WDR43: variants seen among roughly 807,000 people sequenced by gnomAD.
WDR43 encodes WD repeat-containing protein 43.
A neutral mutation model predicts 91.4 loss-of-function variants in WDR43; 13 were observed. The observed-to-expected ratio is 0.14, with a 90% confidence interval of 0.09 to 0.23. WDR43 has a LOEUF of 0.23. Ranked by LOEUF, WDR43 falls within the 10% of genes least tolerant of loss-of-function variation. The pLI is 1.00. For missense variants in WDR43, 780 were observed against 809.4 expected, an observed-to-expected ratio of 0.96 and a Z score of 0.44; for synonymous variants, 331 against 287.9, an observed-to-expected ratio of 1.15 and a Z score of -1.51.
At chr2:28,901,840 A>G in intron 1 of WDR43, 147 bp from the exon 2 acceptor site, 2 of 732,282 alleles carry the variant, frequency 2.7e-6, no homozygotes, top group Non-Finnish European at 4.2e-6. Context: ...TTCTTTTTGA[A>G]GTAGTGAGAA....
In WDR43 at chr2:28,908,464, A is replaced by C. The variant is rs1313586676; in HGVS notation, c.485+1883A>C. On this transcript the variant is annotated intron_variant, in intron 3 of 17. Transcript: ENST00000407426. The stretch of plus-strand genomic sequence containing the variant: ...GAAATGCCTGCAGAGGTTCTGATCC[A>C]GTAGGTCTGGGGTAGGGCCTGTGTT... Among the ~76,000 whole-genome samples, 3 of 152,294 alleles carry C rather than the reference A, an allele frequency of 2.0e-5. No individual in the cohort carries two copies. The South Asian group carries it at 6.2e-4, about 32-fold the overall frequency.
chr2:28,904,230 G>C (rs1558368542), intron 2 of WDR43, among the ~76,000 whole-genome samples: 3 of 152,144 alleles, frequency 2.0e-5, no homozygotes, highest in African/African-American at 7.2e-5. Flanking sequence ...TGGTAAGGTG[G>C]AAAAGGACCA....
chr2:28,917,584 C>G (rs1295570142), intron 5 of WDR43, among the ~76,000 whole-genome samples: 2 of 152,162 alleles, frequency 1.3e-5, no homozygotes, highest in African/African-American at 4.8e-5. Flanking sequence ...TCAAGCGGCA[C>G]TAATCATGAC....
chr2:28,946,287 CAA>C (rs753417663), intron 16 of WDR43, among the ~76,000 whole-genome samples, 161 bp from the exon 17 acceptor site: 3 of 129,962 alleles, frequency 2.3e-5, no homozygotes, highest in Admixed American at 7.7e-5. Context: ...CTCCAGCCTG[CAA>C]AAAAAAAAAA....
intron 14 of WDR43, among the ~76,000 whole-genome samples, chr2:28,938,527 C>T (rs1671377616): frequency 6.6e-6 from 1 of 152,098 alleles, no homozygotes; most frequent in Non-Finnish European, 1.5e-5. Context: ...TTCTTTGCCA[C>T]ATCATTACAT....
intron 16 of WDR43, among the ~76,000 whole-genome samples, chr2:28,943,723 AGTT>A (rs1457364230): frequency 6.6e-6 from 1 of 152,158 alleles, no homozygotes; most frequent in African/African-American, 2.4e-5. Context: ...CTGCTCAGTA[AGTT>A]GTTAGAAACA....
chr2:28,927,766 G>A lies in WDR43; in HGVS notation c.1305+66G>A, dbSNP rs1671170251. 3 of 1,601,152 alleles carry A rather than the reference G, an allele frequency of 1.9e-6. No individual in the cohort carries two copies. In the Admixed American group the frequency reaches 5.1e-5, roughly 27 times the overall value. The stretch of plus-strand genomic sequence containing the variant: ...TAAAATTACTGGGAAATTCTAACAA[G>A]TGTGTTGGATAGAGCCAAAGTTAAA... On this transcript the variant is annotated intron_variant, in intron 10 of 17. Coordinates refer to ENST00000407426, the MANE Select transcript of WDR43 (RefSeq NM_015131.3).
chr2:28,933,249 T>C (rs973312237), intron 11 of WDR43, among the ~76,000 whole-genome samples: 1 of 152,122 alleles, frequency 6.6e-6, no homozygotes, highest in Non-Finnish European at 1.5e-5. Flanking sequence ...AATAAAGCTA[T>C]AGTAGTCAAG....
intron 11 of WDR43, among the ~76,000 whole-genome samples, chr2:28,934,757 A>C (rs1006615246): frequency 6.6e-6 from 1 of 152,094 alleles, no homozygotes; most frequent in Non-Finnish European, 1.5e-5. Context: ...AACTTCCTCT[A>C]TTTTTGCCTT....
rs866787152 is a variant in WDR43, at chr2:28,927,616, G to A, written c.1221G>A (p.Gly407=). 1 of 1,613,862 alleles carries A rather than the reference G, an allele frequency of 6.2e-7. No homozygotes were observed. Among genetic ancestry groups the A allele is most frequent in the Middle Eastern group, 1.6e-4 (1 of 6,062 alleles). ...MNSEAKVLVP[G]IPGHHAAIKP... ...CTGAAGCAAAAGTTCTGGTGCCTGG[G>A]ATTCCTGGTCATCATGCAGCTATCA... The change falls in exon 10 of 18, where the codon GGG becomes GGA. Residue 407 remains glycine, a synonymous_variant. Coordinates refer to ENST00000407426, the MANE Select transcript of WDR43 (RefSeq NM_015131.3).
intron 2 of WDR43, among the ~76,000 whole-genome samples, chr2:28,903,746 G>T (rs1670621476): frequency 6.6e-6 from 1 of 152,136 alleles, no homozygotes; most frequent in Non-Finnish European, 1.5e-5. Context: ...TGTTCAGCAG[G>T]TACCTAGCAT....
intron 2 of WDR43, among the ~76,000 whole-genome samples, chr2:28,903,759 T>C (rs1173579653): frequency 6.6e-6 from 1 of 152,144 alleles, no homozygotes; most frequent in Non-Finnish European, 1.5e-5. Flanking sequence ...CCTAGCATCT[T>C]GTGCAGTGTG....
In WDR43 at chr2:28,929,585, A is replaced by T. The variant is rs1671203532; in HGVS notation, c.1312A>T (p.Ile438Phe). Residue 438 changes from isoleucine (I) to phenylalanine (F), a missense_variant, in exon 11 of 18, where the codon ATT (isoleucine) becomes TTT (phenylalanine). Around this residue, in one of 4 missense-constraint regions of WDR43, gnomAD observed 426 missense variants for 467.8 expected, o/e 0.91. Coordinates refer to ENST00000407426, the MANE Select transcript of WDR43 (RefSeq NM_015131.3). ...KRKSGGNEVS[I>F]EERLGAMDID... is the part of the protein sequence containing the mutation. ...AATCCTTTCTGTTCTGTAGGTTAGC[A>T]TTGAAGAACGTCTGGGAGCAATGGA... 1.2e-6 allele frequency: 2 copies of T among 1,611,548 alleles called. No individual in the cohort carries two copies. Among genetic ancestry groups the T allele is most frequent in the East Asian group, 4.5e-5 (2 of 44,774 alleles).
chr2:28,910,432 T>C (rs557101721), intron 3 of WDR43, among the ~76,000 whole-genome samples: 3 of 152,152 alleles, frequency 2.0e-5, no homozygotes, highest in Non-Finnish European at 2.9e-5. Context: ...TCTCGTACAT[T>C]ATAGCTGCAT....
intron 5 of WDR43, among the ~76,000 whole-genome samples, chr2:28,916,914 A>G (rs1310668759): frequency 6.6e-6 from 1 of 152,120 alleles, no homozygotes; most frequent in Non-Finnish European, 1.5e-5. Context: ...TATTTAATGC[A>G]TATGTTTTTG....
chr2:28,895,924 C>T (rs1218452656), intron 1 of WDR43: 1 of 152,204 alleles, frequency 6.6e-6, no homozygotes, highest in Non-Finnish European at 1.5e-5. Flanking sequence ...CTTACTCTCT[C>T]TGACGACCTG....
In WDR43 at chr2:28,946,781, G is replaced by A. The variant is rs1279367222; in HGVS notation, c.*2G>A. ...GAAAATGAAAGTGAAGAAGAATGAA[G>A]ACAGCAAAGCAAGCCGGTCAAACTA... is the stretch of plus-strand genomic sequence containing the variant. On this transcript the variant is annotated 3_prime_UTR_variant, in exon 18 of 18. Transcript: ENST00000407426. 1 of 1,572,518 alleles carries A rather than the reference G, an allele frequency of 6.4e-7. No homozygotes were observed.
At chr2:28,916,762 A>G (rs1203788241) in intron 5 of WDR43, among the ~76,000 whole-genome samples, 1 of 152,154 alleles carries the variant, frequency 6.6e-6, no homozygotes, top group Non-Finnish European at 1.5e-5. Context: ...TTAGGTTCCC[A>G]TGAGCCTCCA....
intron 6 of WDR43, among the ~76,000 whole-genome samples, chr2:28,920,813 A>G (rs1013036096): frequency 6.6e-6 from 1 of 151,640 alleles, no homozygotes; most frequent in African/African-American, 2.4e-5. Context: ...GGTAGCTGGT[A>G]CTACAGGCAC....
Sources: gnomAD v4.1 joint callset for allele counts (sites outside exome capture counted in the v4.1 genomes callset) on GRCh38, gnomAD v4.1.1 for gene constraint, gnomAD v4.1.1 regional missense constraint, MANE v1.5 for transcripts, NCBI Gene and HGNC (gene_info 2026-07-23, HGNC 2026-07-21) for gene names.